The following ADAMTSL1 variants were observed in gnomAD, a reference collection of about 807,000 sequenced individuals.
ADAMTSL1 encodes the protein ADAMTS-like protein 1.
ADAMTSL1 carries 126 observed loss-of-function variants against 201.8 expected under a neutral mutation model. The observed-to-expected ratio is 0.62, with a 90% confidence interval of 0.54 to 0.72. The LOEUF (loss-of-function observed/expected upper bound fraction) is 0.72. ADAMTSL1 is among the 30% of genes least tolerant of loss of function. The pLI is 0.00. For synonymous variants in ADAMTSL1, 1,121 were observed against 903.4 expected (o/e 1.24, Z -4.32); for missense variants, 2,679 against 2,277.8 (o/e 1.18, Z -3.59).
intron 4 of ADAMTSL1, among the ~76,000 whole-genome samples, chr9:18,600,364 C>G (rs1416142832): frequency 3.3e-5 from 5 of 152,164 alleles, no homozygotes; most frequent in African/African-American, 1.2e-4. Flanking sequence ...GTCTAGTTTT[C>G]TTGCCCAAGG....
At chr9:18,461,831 A>G (rs1241135003) in intron 2 of ADAMTSL1, among the ~76,000 whole-genome samples, 1 of 152,160 alleles carries the variant, frequency 6.6e-6, no homozygotes, top group Admixed American at 6.5e-5. Flanking sequence ...ATAAATAGTT[A>G]TCCTTTGACA....
chr9:18,600,671 G>T (rs546519963), intron 4 of ADAMTSL1, among the ~76,000 whole-genome samples: 1 of 152,060 alleles, frequency 6.6e-6, no homozygotes, highest in African/African-American at 2.4e-5. Context: ...GGGTGCTAAG[G>T]CATACAGCCA....
chr9:18,206,410 A>G (rs1010843687), intron 2 of ADAMTSL1, among the ~76,000 whole-genome samples: 11 of 152,020 alleles, frequency 7.2e-5, no homozygotes, highest in African/African-American at 1.4e-4. Flanking sequence ...CCTATCTCAA[A>G]TTTCCTTCAC....
chr9:18,392,873 A>G (rs11788286), intron 2 of ADAMTSL1, among the ~76,000 whole-genome samples: 15,817 of 152,238 alleles, frequency 0.1, 1,146 homozygotes, highest in Non-Finnish European at 0.16. Flanking sequence ...TTTGTGGTAG[A>G]AATCAGGTCT....
chr9:18,332,113 A>C (rs1277821230), intron 2 of ADAMTSL1, among the ~76,000 whole-genome samples: 1 of 152,154 alleles, frequency 6.6e-6, no homozygotes, highest in Non-Finnish European at 1.5e-5. Flanking sequence ...GCTGGAGGCA[A>C]GGAACAATTC....
At chr9:18,077,399 G>A (rs1586994318) in intron 1 of ADAMTSL1, among the ~76,000 whole-genome samples, 1 of 152,136 alleles carries the variant, frequency 6.6e-6, no homozygotes, top group Non-Finnish European at 1.5e-5. Flanking sequence ...CAAAGGAGAT[G>A]GAGAACAGCT....
intron 1 of ADAMTSL1, among the ~76,000 whole-genome samples, chr9:18,118,775 C>T (rs181652326): frequency 6.6e-6 from 1 of 152,150 alleles, no homozygotes; most frequent in Non-Finnish European, 1.5e-5. Context: ...TGCTTATAAA[C>T]TCCTCTAAAC....
intron 2 of ADAMTSL1, among the ~76,000 whole-genome samples, chr9:18,300,155 T>A (rs575330513): frequency 6.6e-6 from 1 of 152,186 alleles, no homozygotes; most frequent in African/African-American, 2.4e-5. Context: ...TAAAGACACA[T>A]GCACATGTAT....
At chr9:18,466,565 G>T (rs1184730199) in intron 2 of ADAMTSL1, among the ~76,000 whole-genome samples, 2 of 152,026 alleles carry the variant, frequency 1.3e-5, no homozygotes, top group East Asian at 3.9e-4. Context: ...GGTTAATTTA[G>T]CCATTCCATA....
intron 3 of ADAMTSL1, among the ~76,000 whole-genome samples, chr9:18,546,363 G>T (rs1233359336): frequency 6.6e-6 from 1 of 152,022 alleles, no homozygotes. Flanking sequence ...CCAGGCTGGG[G>T]TGCACGGGTA....
intron 21 of ADAMTSL1, among the ~76,000 whole-genome samples, chr9:18,822,912 C>T (rs1394199298): frequency 6.6e-6 from 1 of 152,142 alleles, no homozygotes; most frequent in African/African-American, 2.4e-5. Flanking sequence ...CTCTGTGGAA[C>T]ATTCAAGGGC....
At chr9:18,341,756 C>G (rs1835470360) in intron 2 of ADAMTSL1, among the ~76,000 whole-genome samples, 1 of 151,940 alleles carries the variant, frequency 6.6e-6, no homozygotes, top group African/African-American at 2.4e-5. Flanking sequence ...ATATAACTTC[C>G]CTCTTTGATC....
chr9:18,814,199 T>G (rs962864630), intron 20 of ADAMTSL1, among the ~76,000 whole-genome samples: 5 of 152,216 alleles, frequency 3.3e-5, no homozygotes, highest in Non-Finnish European at 7.3e-5. Flanking sequence ...TTTGTTGATC[T>G]GCGTATGTTG....
At chr9:18,815,314 C>T (rs1327244369) in intron 20 of ADAMTSL1, among the ~76,000 whole-genome samples, 1 of 151,710 alleles carries the variant, frequency 6.6e-6, no homozygotes, top group Admixed American at 6.6e-5. Flanking sequence ...TCCAAGTGTC[C>T]ATCAACAGAT....
chr9:18,057,474 G>T (rs1822246764), intron 1 of ADAMTSL1, among the ~76,000 whole-genome samples: 2 of 152,190 alleles, frequency 1.3e-5, no homozygotes, highest in Non-Finnish European at 2.9e-5. Context: ...AGGACCCATG[G>T]AAAGTTGGCA....
chr9:17,962,299 A>G (rs1817787095), intron 1 of ADAMTSL1, among the ~76,000 whole-genome samples: 1 of 152,174 alleles, frequency 6.6e-6, no homozygotes, highest in Non-Finnish European at 1.5e-5. Context: ...ACTGACTATG[A>G]ATTGACTTCC....
chr9:18,325,245 C>T (rs1029305505), intron 2 of ADAMTSL1, among the ~76,000 whole-genome samples: 1 of 152,132 alleles, frequency 6.6e-6, no homozygotes, highest in African/African-American at 2.4e-5. Flanking sequence ...TGTATATTTA[C>T]CTAAGGGAGA....
chr9:18,721,730 G>A, intron 15 of ADAMTSL1, 65 bp downstream of exon 15: 1 of 1,558,918 alleles, frequency 6.4e-7, no homozygotes, highest in Non-Finnish European at 8.7e-7. Context: ...ATCTTTCAGT[G>A]GGCAAGACTG....
chr9:18,349,675 G>A (rs144733868), intron 2 of ADAMTSL1, among the ~76,000 whole-genome samples: 1 of 152,188 alleles, frequency 6.6e-6, no homozygotes, highest in East Asian at 1.9e-4. Context: ...ATTACACCTA[G>A]TAACACATTT....
Sources: allele counts gnomAD v4.1 joint callset (sites outside exome capture counted in the v4.1 genomes callset), GRCh38; gene constraint gnomAD v4.1.1; transcripts MANE v1.5; gene names NCBI Gene and HGNC (gene_info 2026-07-23, HGNC 2026-07-21).